The following IMMP2L variants were observed in gnomAD, a reference collection of about 807,000 sequenced individuals.
The protein encoded by IMMP2L is inner mitochondrial membrane peptidase subunit 2.
In IMMP2L, 18 loss-of-function variants were observed where a neutral mutation model predicts 19.3. The observed-to-expected ratio is 0.93, with a 90% CI of 0.64 to 1.38. The LOEUF (loss-of-function observed/expected upper bound fraction) is 1.38. Among genes scored for constraint, IMMP2L ranks in the 40% most tolerant of loss-of-function variants. The probability of loss-of-function intolerance (pLI) is 0.00; values close to 1 mark genes in which losing one functional copy is unlikely to be tolerated. For missense variants in IMMP2L, 233 were observed against 218.2 expected (o/e 1.07, Z -0.43); for synonymous variants, 76 against 73.0 (o/e 1.04, Z -0.21).
chr7:111,326,166 G>A lies in IMMP2L; in HGVS notation c.239+161072C>T, dbSNP rs147885426. Among the ~76,000 whole-genome samples the A allele has an allele frequency of 2.5e-3, 386 of 151,520 alleles. 2 individuals carry two copies. Among genetic ancestry groups the A allele is most frequent in the African/African-American group, 8.8e-3 (363 of 41,386 alleles). The stretch of plus-strand genomic sequence containing the variant: ...GATATAAAGAAAATTACACTTAATC[G>A]AATTTTATATATTTTAGGTATTTTG... On this transcript the variant is annotated intron_variant, in intron 3 of 5. Coordinates refer to ENST00000405709, the MANE Select transcript of IMMP2L (RefSeq NM_032549.4).
rs73423051 is a variant in IMMP2L, at chr7:110,862,194, G to T, written c.408+24399C>A. On this transcript the variant is annotated intron_variant, in intron 5 of 5. Coordinates refer to ENST00000405709, the MANE Select transcript of IMMP2L (RefSeq NM_032549.4). The stretch of plus-strand genomic sequence containing the variant: ...CCAGTGGGGATTCAGAATGTCTTTA[G>T]AGAAGACTTTTAAAGTCAATTTTTT... Among the ~76,000 whole-genome samples the T allele has an allele frequency of 6.2e-3, 933 of 151,646 alleles. 8 individuals carry two copies. The highest frequency in any genetic ancestry group is 0.021 in the African/African-American group (882 of 41,450).
intron 3 of IMMP2L, among the ~76,000 whole-genome samples, chr7:111,039,706 T>G (rs892261905): frequency 3.3e-5 from 5 of 152,128 alleles, no homozygotes; most frequent in African/African-American, 1.2e-4. Context: ...AATCAAAAGT[T>G]CACAAAAATA....
intron 3 of IMMP2L, among the ~76,000 whole-genome samples, chr7:111,157,604 T>C (rs766190697): frequency 7.2e-5 from 11 of 152,054 alleles, no homozygotes; most frequent in Admixed American, 3.3e-4. Context: ...GTGGGGATGG[T>C]TGGTTAATGG....
chr7:110,972,312 A>G (rs1202145168), intron 3 of IMMP2L, among the ~76,000 whole-genome samples: 2 of 152,122 alleles, frequency 1.3e-5, no homozygotes, highest in Admixed American at 6.6e-5. Context: ...AAGTTTTTCT[A>G]TATATTTAAT....
intron 3 of IMMP2L, among the ~76,000 whole-genome samples, chr7:111,200,191 G>A (rs901367186): frequency 2.0e-5 from 3 of 151,952 alleles, no homozygotes; most frequent in Non-Finnish European, 2.9e-5. Flanking sequence ...TATCCTTTCT[G>A]CCACACAAAA....
Position 111,451,455 on chromosome 7 carries a change from C to G in IMMP2L, c.239+35783G>C, listed in dbSNP as rs1369258212. 4.1e-5 allele frequency among the ~76,000 whole-genome samples: 6 copies of G among 147,802 alleles called. No homozygotes were observed. In the East Asian group the frequency reaches 1.2e-3, roughly 29 times the overall value. ...GAAACCATCATTCTCAGTAAACTATCGCAAGAACAAAAAACCAAACACTGC... is the reference window on the plus strand; with the variant it reads ...GAAACCATCATTCTCAGTAAACTATGGCAAGAACAAAAAACCAAACACTGC... On this transcript the variant is annotated intron_variant, in intron 3 of 5. Coordinates refer to ENST00000405709, the MANE Select transcript of IMMP2L (RefSeq NM_032549.4).
rs571716359 is a variant in IMMP2L, at chr7:111,323,546, C to A, written c.239+163692G>T. Among the ~76,000 whole-genome samples the A allele has an allele frequency of 1.9e-3, 285 of 152,148 alleles. 1 individual carries two copies. The highest frequency in any genetic ancestry group is 6.6e-3 in the African/African-American group (275 of 41,532). ...GAACACTTTTACACTGTTGGTAGGA[C>A]TGTAAACTAGTTCAACCATTGTGGA... On this transcript the variant is annotated intron_variant, in intron 3 of 5. Transcript: ENST00000405709.
intron 3 of IMMP2L, among the ~76,000 whole-genome samples, chr7:111,368,922 A>AT (rs1563109859): frequency 6.6e-6 from 1 of 151,662 alleles, no homozygotes; most frequent in East Asian, 1.9e-4. Flanking sequence ...TCTGGTCCTC[A>AT]TTTTTTTTAA....
chr7:111,013,941 C>T (rs1286497617), intron 3 of IMMP2L, among the ~76,000 whole-genome samples: 1 of 151,968 alleles, frequency 6.6e-6, no homozygotes, highest in Admixed American at 6.6e-5. Context: ...TCAAGGAGGT[C>T]TTGACCTAGG....
At chr7:110,706,112 T>C (rs563256673) in intron 5 of IMMP2L, among the ~76,000 whole-genome samples, 22 of 152,104 alleles carry the variant, frequency 1.4e-4, no homozygotes, top group African/African-American at 5.1e-4. Context: ...ATGGTAGTAC[T>C]GTATTTTAGA....
chr7:111,201,982 C>T (rs1384886994), intron 3 of IMMP2L, among the ~76,000 whole-genome samples: 2 of 152,090 alleles, frequency 1.3e-5, no homozygotes, highest in African/African-American at 4.8e-5. Context: ...TTTAAGCTAC[C>T]CAGTGCTTGT....
chr7:110,832,529 CTAGCTTTTCTG>C (rs1804066122), intron 5 of IMMP2L, among the ~76,000 whole-genome samples: 1 of 151,950 alleles, frequency 6.6e-6, no homozygotes, highest in South Asian at 2.1e-4. Flanking sequence ...GGCGTGCTTC[CTAGCTTTTCTG>C]TAGCTTTACT....
chr7:111,338,294 C>T (rs1294793718), intron 3 of IMMP2L, among the ~76,000 whole-genome samples: 1 of 151,986 alleles, frequency 6.6e-6, no homozygotes, highest in African/African-American at 2.4e-5. Flanking sequence ...GAAAGAAATG[C>T]TATTGCTATT....
intron 3 of IMMP2L, among the ~76,000 whole-genome samples, chr7:111,009,819 T>C (rs1221871573): frequency 6.6e-6 from 1 of 152,132 alleles, no homozygotes; most frequent in Non-Finnish European, 1.5e-5. Context: ...AGCTGAAAAA[T>C]AAATGCTGTG....
At chr7:111,234,079 T>C (rs1368758788) in intron 3 of IMMP2L, among the ~76,000 whole-genome samples, 1 of 152,034 alleles carries the variant, frequency 6.6e-6, no homozygotes, top group African/African-American at 2.4e-5. Context: ...TCCCTTTAAG[T>C]ATTGTTTTAG....
intron 3 of IMMP2L, among the ~76,000 whole-genome samples, chr7:111,359,878 G>C (rs1198114182): frequency 6.6e-6 from 1 of 152,112 alleles, no homozygotes; most frequent in Non-Finnish European, 1.5e-5. Flanking sequence ...GATGGTGAAA[G>C]ATAAATAGAT....
At chr7:111,000,596 T>A (rs533639028) in intron 3 of IMMP2L, among the ~76,000 whole-genome samples, 1 of 152,218 alleles carries the variant, frequency 6.6e-6, no homozygotes, top group South Asian at 2.1e-4. Context: ...GTAATCCCAG[T>A]GCTTTGGGAG....
chr7:111,312,022 A>G (rs1823577143), intron 3 of IMMP2L, among the ~76,000 whole-genome samples: 1 of 152,106 alleles, frequency 6.6e-6, no homozygotes, highest in South Asian at 2.1e-4. Flanking sequence ...TCCCTTCACC[A>G]ATGCATTTCT....
intron 5 of IMMP2L, among the ~76,000 whole-genome samples, chr7:110,815,816 C>T (rs998480848): frequency 6.6e-6 from 1 of 151,882 alleles, no homozygotes; most frequent in African/African-American, 2.4e-5. Context: ...GGTGATATCC[C>T]CTTTATCATT....
Sources: gnomAD v4.1 joint callset for allele counts (sites outside exome capture counted in the v4.1 genomes callset) on GRCh38, gnomAD v4.1.1 for gene constraint, MANE v1.5 for transcripts, NCBI Gene and HGNC (gene_info 2026-07-23, HGNC 2026-07-21) for gene names.